The following WDR7 variants were observed in gnomAD, a reference collection of about 807,000 sequenced individuals.
The protein encoded by WDR7 is WD repeat domain 7.
A neutral mutation model predicts 169.4 loss-of-function variants in WDR7; 46 were observed. That is an observed-to-expected ratio of 0.27 (90% CI 0.21 to 0.35). The LOEUF (loss-of-function observed/expected upper bound fraction) is 0.35, where lower values mean the gene tolerates loss of function less well. WDR7 is among the 10% of genes least tolerant of loss of function. WDR7 has a pLI of 1.00. For missense variants in WDR7, 1,534 were observed against 1,859.3 expected (o/e 0.83, Z 3.22); for synonymous variants, 612 against 666.8 (o/e 0.92, Z 1.27).
In WDR7 at chr18:56,684,065, G is replaced by A. The variant is rs372063925; in HGVS notation, c.520+1212G>A. Among the ~76,000 whole-genome samples, 6 of 152,294 alleles carry A rather than the reference G, an allele frequency of 3.9e-5. No individual in the cohort carries two copies. In the South Asian group the frequency reaches 1.2e-3, roughly 32 times the overall value. ...CAGTAGAGGGCTGTCCAGATCAGAT[G>A]AAGTCTGATCTAGGATTTGGAAGAT... On this transcript the variant is annotated intron_variant, in intron 5 of 27. Transcript: ENST00000254442.
intron 14 of WDR7, among the ~76,000 whole-genome samples, chr18:56,738,735 A>G (rs2026756495): frequency 6.6e-6 from 1 of 150,986 alleles, no homozygotes; most frequent in African/African-American, 2.4e-5. Flanking sequence ...ATGATTTGGC[A>G]TATTAAAATA....
intron 21 of WDR7, among the ~76,000 whole-genome samples, chr18:56,897,094 A>C (rs2046341879): frequency 6.6e-6 from 1 of 151,934 alleles, no homozygotes; most frequent in Admixed American, 6.6e-5. Context: ...ATGCAAATTA[A>C]AAGCACAATG....
intron 7 of WDR7, 117 bp from the exon 8 acceptor site, chr18:56,691,099 C>A: frequency 7.2e-7 from 1 of 1,387,628 alleles, no homozygotes; most frequent in Non-Finnish European, 9.8e-7. Flanking sequence ...TTATCTGATG[C>A]AGCAAACTGA....
intron 19 of WDR7, among the ~76,000 whole-genome samples, chr18:56,784,828 T>C (rs1568193208): frequency 6.6e-6 from 1 of 152,188 alleles, no homozygotes; most frequent in Non-Finnish European, 1.5e-5. Context: ...TGTAAGTCTT[T>C]TGTATTTGAT....
intron 14 of WDR7, among the ~76,000 whole-genome samples, chr18:56,740,040 T>C (rs181396442): frequency 6.6e-6 from 1 of 152,138 alleles, no homozygotes; most frequent in Admixed American, 6.5e-5. Flanking sequence ...TAAATTAGAC[T>C]GCCTCCTTTG....
At chr18:56,880,592 A>G (rs372465553) in intron 21 of WDR7, among the ~76,000 whole-genome samples, 103 of 152,212 alleles carry the variant, frequency 6.8e-4, no homozygotes, top group Non-Finnish European at 1.4e-3. Context: ...TCAATAAATA[A>G]ATTCTCAACA....
chr18:56,662,750 A>G (rs1327505184), intron 1 of WDR7, among the ~76,000 whole-genome samples: 1 of 152,260 alleles, frequency 6.6e-6, no homozygotes, highest in Non-Finnish European at 1.5e-5. Context: ...ATAAAAAACA[A>G]TCAGAAAGGA....
intron 12 of WDR7, among the ~76,000 whole-genome samples, chr18:56,706,638 T>C (rs2025961717): frequency 6.6e-6 from 1 of 152,222 alleles, no homozygotes; most frequent in Non-Finnish European, 1.5e-5. Flanking sequence ...CTGGGCAGTT[T>C]GTACGTTCAT....
At chr18:56,899,350 AT>A (rs2046371469) in intron 21 of WDR7, among the ~76,000 whole-genome samples, 1 of 152,072 alleles carries the variant, frequency 6.6e-6, no homozygotes, top group Non-Finnish European at 1.5e-5. Context: ...AAATAGGTAT[AT>A]TTTTCCCCAC....
intron 1 of WDR7, among the ~76,000 whole-genome samples, chr18:56,666,497 C>G (rs518085): frequency 0.92 from 139,620 of 152,118 alleles, 65,248 homozygotes; most frequent in East Asian, 1. Flanking sequence ...CCACTGCGCC[C>G]GGCCTCATCT....
intron 26 of WDR7, among the ~76,000 whole-genome samples, chr18:56,976,117 G>C (rs538924319): frequency 2.0e-5 from 3 of 152,224 alleles, no homozygotes; most frequent in Non-Finnish European, 2.9e-5. Flanking sequence ...CTTTGGAAAT[G>C]ATCCCAGCAC....
intron 21 of WDR7, among the ~76,000 whole-genome samples, chr18:56,900,963 G>A (rs2145564152): frequency 6.6e-6 from 1 of 152,284 alleles, no homozygotes; most frequent in African/African-American, 2.4e-5. Flanking sequence ...CAAAGCAGTA[G>A]GTAAACAATG....
chr18:56,985,998 G>T (rs1312812231), intron 26 of WDR7, among the ~76,000 whole-genome samples: 1 of 152,134 alleles, frequency 6.6e-6, no homozygotes, highest in Non-Finnish European at 1.5e-5. Context: ...TCACAAATTA[G>T]GTTAATATAA....
rs79345820 is a variant in WDR7 at position 56,723,206 on chromosome 18, CT to C, written c.1774+5058del. Among the ~76,000 whole-genome samples, 763 of 143,498 alleles carry C rather than the reference CT, an allele frequency of 5.3e-3. 8 individuals carry two copies. The highest frequency in any genetic ancestry group is 0.045 in the East Asian group (221 of 4,946). The allele number at this position is 143,498 out of a possible 152,430, so 94.1% of individuals were successfully genotyped here. On this transcript the variant is annotated intron_variant, in intron 13 of 27. Coordinates refer to ENST00000254442, the MANE Select transcript of WDR7 (RefSeq NM_015285.3). The stretch of plus-strand genomic sequence containing the variant: ...ACTTGGAACATTGCTTTTTTCTTTC[CT>C]TTTTTTTTTTGTTTAAAACAAACAA...
At chr18:56,693,768 C>T (rs941281591) in intron 9 of WDR7, among the ~76,000 whole-genome samples, 5 of 151,876 alleles carry the variant, frequency 3.3e-5, no homozygotes, top group Non-Finnish European at 7.4e-5. Flanking sequence ...GACAGGGTTT[C>T]ACCATGTTGG....
chr18:56,808,067 A>G (rs1277587917), intron 19 of WDR7, among the ~76,000 whole-genome samples: 4 of 152,174 alleles, frequency 2.6e-5, no homozygotes, highest in South Asian at 2.1e-4. Context: ...CAGACAGGCA[A>G]TGTGTGCAGA....
intron 9 of WDR7, among the ~76,000 whole-genome samples, chr18:56,693,997 A>AGC (rs1166068387): frequency 5.3e-5 from 8 of 150,898 alleles, no homozygotes; most frequent in Non-Finnish European, 1.2e-4. Flanking sequence ...AGCCTCCTGA[A>AGC]TACCTGGAGC....
intron 20 of WDR7, among the ~76,000 whole-genome samples, chr18:56,840,870 A>G (rs926615008): frequency 6.6e-6 from 1 of 152,066 alleles, no homozygotes; most frequent in Non-Finnish European, 1.5e-5. Context: ...CAATTTTGTT[A>G]TAAAATATGC....
At chr18:56,914,742 T>G (rs2046602136) in intron 21 of WDR7, among the ~76,000 whole-genome samples, 2 of 152,212 alleles carry the variant, frequency 1.3e-5, no homozygotes, top group Non-Finnish European at 2.9e-5. Context: ...ATCAGCACTT[T>G]TTACCTTCCC....
Sources: allele counts gnomAD v4.1 joint callset (sites outside exome capture counted in the v4.1 genomes callset), GRCh38; gene constraint gnomAD v4.1.1; transcripts MANE v1.5; gene names NCBI Gene and HGNC (gene_info 2026-07-23, HGNC 2026-07-21).